The following CCDC149 variants were observed in gnomAD, a reference collection of about 807,000 sequenced individuals.
CCDC149 encodes the protein coiled-coil domain-containing protein 149.
Under a neutral mutation model 59.9 loss-of-function variants are expected in CCDC149, and 45 were observed. The ratio of observed to expected loss-of-function variants is 0.75; its 90% CI spans 0.59 to 0.96. The LOEUF (loss-of-function observed/expected upper bound fraction) is 0.96, where lower values mean the gene tolerates loss of function less well. CCDC149 is among the 40% of genes least tolerant of loss of function. CCDC149 has a pLI of 0.00. For missense variants in CCDC149, 584 were observed against 664.7 expected (o/e 0.88, Z 1.33); for synonymous variants, 245 against 260.6 (o/e 0.94, Z 0.58).
intron 1 of CCDC149, among the ~76,000 whole-genome samples, chr4:24,947,356 G>A (rs901731224): frequency 1.8e-4 from 28 of 152,064 alleles, no homozygotes; most frequent in African/African-American, 5.8e-4. Flanking sequence ...GCTTGCTGCC[G>A]CCATGTGAGG....
At chr4:24,944,050 G>T (rs1394225639) in intron 1 of CCDC149, among the ~76,000 whole-genome samples, 1 of 152,150 alleles carries the variant, frequency 6.6e-6, no homozygotes, top group Non-Finnish European at 1.5e-5. Context: ...CCATTACTGG[G>T]TATATACCCA....
intron 4 of CCDC149, 72 bp from the exon 5 acceptor site, chr4:24,838,344 C>A: frequency 9.1e-7 from 1 of 1,102,688 alleles, no homozygotes. Flanking sequence ...CCAAAGGACA[C>A]TAAGAAACTT....
intron 1 of CCDC149, among the ~76,000 whole-genome samples, chr4:24,888,749 T>G (rs1043473477): frequency 6.6e-5 from 10 of 152,174 alleles, no homozygotes; most frequent in Non-Finnish European, 1.5e-4. Context: ...GCACCTTGGG[T>G]GTGAGCCTTT....
chr4:24,896,360 C>A (rs1420490246), intron 1 of CCDC149, among the ~76,000 whole-genome samples: 1 of 152,132 alleles, frequency 6.6e-6, no homozygotes, highest in Admixed American at 6.5e-5. Context: ...CTTGTAAATA[C>A]CAGTTGAAGA....
Position 24,850,505 on chromosome 4 carries a change from A to C in CCDC149, c.372+2567T>G, listed in dbSNP as rs568283200. Among the ~76,000 whole-genome samples, 12 of 152,276 alleles carry C rather than the reference A, an allele frequency of 7.9e-5. No homozygotes were observed. The South Asian group carries it at 2.5e-3, about 32-fold the overall frequency. On this transcript the variant is annotated intron_variant, in intron 4 of 12. Transcript: ENST00000635206. ...TCCAGATTGAGCAAACAGCAGGCAC[A>C]AAGGTCCTGTGGCCACAGGCAGTGT...
intron 1 of CCDC149, among the ~76,000 whole-genome samples, chr4:24,954,018 A>T (rs1048702884): frequency 6.6e-6 from 1 of 152,184 alleles, no homozygotes; most frequent in Non-Finnish European, 1.5e-5. Context: ...AGATGGAAAA[A>T]AAAAAGTGAA....
At chr4:24,887,665 C>G (rs1198989341) in intron 1 of CCDC149, among the ~76,000 whole-genome samples, 2 of 152,234 alleles carry the variant, frequency 1.3e-5, no homozygotes, top group East Asian at 3.9e-4. Context: ...AACAAGCCAC[C>G]CCTCCATGCC....
chr4:24,959,080 T>G (rs372825373), intron 1 of CCDC149, among the ~76,000 whole-genome samples: 62 of 150,076 alleles, frequency 4.1e-4, no homozygotes, highest in African/African-American at 1.4e-3. Flanking sequence ...TTCAAGCAAT[T>G]CTCCTGCCTC....
At chr4:24,889,088 G>C (rs1190688961) in intron 1 of CCDC149, among the ~76,000 whole-genome samples, 3 of 152,080 alleles carry the variant, frequency 2.0e-5, no homozygotes, top group East Asian at 3.9e-4. Context: ...CAGTAGCTGG[G>C]GGGTATGTGA....
intron 1 of CCDC149, among the ~76,000 whole-genome samples, chr4:24,890,836 G>A (rs536514901): frequency 6.6e-5 from 10 of 152,232 alleles, no homozygotes; most frequent in Admixed American, 1.3e-4. Context: ...CTTGAAATCA[G>A]CCGTGCAAAT....
At chr4:24,909,156 T>C (rs1441881172) in intron 1 of CCDC149, among the ~76,000 whole-genome samples, 1 of 152,196 alleles carries the variant, frequency 6.6e-6, no homozygotes, top group Non-Finnish European at 1.5e-5. Context: ...AGGATTGTTT[T>C]AAATGAAAAC....
intron 1 of CCDC149, among the ~76,000 whole-genome samples, chr4:24,880,774 T>C (rs551156438): frequency 3.3e-5 from 5 of 152,196 alleles, no homozygotes; most frequent in Non-Finnish European, 7.4e-5. Flanking sequence ...TCAGTAACTA[T>C]AGATAGCAGA....
rs1206025226 is a variant in CCDC149 at position 24,952,601 on chromosome 4, A to AAG, written c.-65+27467_-65+27468insCT. Among the ~76,000 whole-genome samples the AAG allele has an allele frequency of 3.4e-4, 14 of 41,726 alleles. No homozygotes were observed. The East Asian group carries it at 3.8e-3, about 11-fold the overall frequency. 27.4% of individuals were successfully genotyped at this position (41,726 alleles called of 152,430 possible). On this transcript the variant is annotated intron_variant, in intron 1 of 12. Coordinates refer to the CCDC149 transcript ENST00000389609. ...AAAGATCAAAACTCCATCTCAAAAAAAAAAAAAAAAAAAAAAAAAAAAAAA... is the reference window on the plus strand; with the variant it reads ...AAAGATCAAAACTCCATCTCAAAAAAAGAAAAAAAAAAAAAAAAAAAAAAAAA...
chr4:24,925,357 T>C (rs545700395), intron 1 of CCDC149, among the ~76,000 whole-genome samples: 1 of 152,234 alleles, frequency 6.6e-6, no homozygotes, highest in African/African-American at 2.4e-5. Flanking sequence ...TACTTCAGTA[T>C]GCAATTGAAT....
At chr4:24,810,135 T>A (rs1714502097) in intron 12 of CCDC149, among the ~76,000 whole-genome samples, 2 of 152,050 alleles carry the variant, frequency 1.3e-5, no homozygotes, top group African/African-American at 2.4e-5. Flanking sequence ...GTTAAATAAA[T>A]CCTCCCAGCT....
chr4:24,920,461 C>T (rs535386508), intron 1 of CCDC149, among the ~76,000 whole-genome samples: 4 of 152,366 alleles, frequency 2.6e-5, no homozygotes, highest in Admixed American at 1.3e-4. Flanking sequence ...TTCCCAAGAG[C>T]TAATGTTCCA....
chr4:24,840,635 T>A (rs1456884471), intron 4 of CCDC149, among the ~76,000 whole-genome samples: 1 of 152,140 alleles, frequency 6.6e-6, no homozygotes, highest in Non-Finnish European at 1.5e-5. Context: ...TTTTCACTGG[T>A]GACTTTGCTG....
intron 1 of CCDC149, 71 bp downstream of exon 1, chr4:24,912,746 T>C: frequency 9.0e-7 from 1 of 1,112,960 alleles, no homozygotes; most frequent in Non-Finnish European, 1.1e-6. Flanking sequence ...TCGGCCTCTC[T>C]GGGGGCGCGG....
At chr4:24,809,333 C>G (rs534873921) in intron 12 of CCDC149, among the ~76,000 whole-genome samples, 1 of 152,186 alleles carries the variant, frequency 6.6e-6, no homozygotes, top group Non-Finnish European at 1.5e-5. Context: ...TCCTCAATAT[C>G]AAATAAATTA....
Sources: gnomAD v4.1 joint callset for allele counts (sites outside exome capture counted in the v4.1 genomes callset) on GRCh38, gnomAD v4.1.1 for gene constraint, MANE v1.5 for transcripts, NCBI Gene and HGNC (gene_info 2026-07-23, HGNC 2026-07-21) for gene names.